The following PKN2 variants were observed in gnomAD, a reference collection of about 807,000 sequenced individuals.
The protein encoded by PKN2 is serine/threonine-protein kinase N2.
In PKN2, 38 loss-of-function variants were observed where a neutral mutation model predicts 119.1. The observed-to-expected ratio is 0.32, with a 90% CI of 0.25 to 0.42. The LOEUF (loss-of-function observed/expected upper bound fraction) is 0.42, where lower values mean the gene tolerates loss of function less well. Ranked by LOEUF, PKN2 falls within the 10% of genes least tolerant of loss-of-function variation. The probability of loss-of-function intolerance (pLI) is 1.00; values close to 1 mark genes in which losing one functional copy is unlikely to be tolerated. For synonymous variants in PKN2, 390 were observed against 384.9 expected (o/e 1.01, Z -0.15); for missense variants, 850 against 1,165.1 (o/e 0.73, Z 3.94).
intron 16 of PKN2, among the ~76,000 whole-genome samples, chr1:88,813,989 TTC>T (rs1444564239): frequency 6.6e-6 from 1 of 152,160 alleles, no homozygotes; most frequent in Non-Finnish European, 1.5e-5. Context: ...TTAGTAAAAT[TTC>T]TTTTTTTGCT....
chr1:88,815,848 A>G (rs1267858925), intron 16 of PKN2, among the ~76,000 whole-genome samples: 2 of 152,196 alleles, frequency 1.3e-5, no homozygotes, highest in Admixed American at 1.3e-4. Context: ...GTTTACAAAG[A>G]AAGAAATCAG....
chr1:88,726,196 A>G (rs1557568767), intron 1 of PKN2, among the ~76,000 whole-genome samples: 1 of 152,170 alleles, frequency 6.6e-6, no homozygotes, highest in Non-Finnish European at 1.5e-5. Flanking sequence ...ACTGTAGTGG[A>G]TAGAATGTCT....
At position 88,738,256 on chromosome 1, in the gene PKN2, T is replaced by TA. The variant is rs535059135; in HGVS notation, c.49-2724dup. Among the ~76,000 whole-genome samples, 800 of 151,380 alleles carry TA rather than the reference T, an allele frequency of 5.3e-3. 3 individuals are homozygous for TA. The highest frequency in any genetic ancestry group is 0.018 in the African/African-American group (735 of 41,286). The stretch of plus-strand genomic sequence containing the variant: ...TCATAGTCTTTGAAGAGTGGTCAGA[T>TA]AAAAAAAAGGGGTAATTGTTTCAAT... On this transcript the variant is annotated intron_variant, in intron 1 of 21. Transcript: ENST00000370521.
chr1:88,823,703 TAAAAAAAAAAAA>T (rs61234342), intron 17 of PKN2, among the ~76,000 whole-genome samples: 1 of 65,746 alleles, frequency 1.5e-5, no homozygotes, highest in Non-Finnish European at 3.0e-5. Flanking sequence ...GACTCTGTCT[TAAAAAAAAAAAA>T]AAAAAAAAAA....
Position 88,684,772 on chromosome 1 carries a change from T to C in PKN2, c.48+144T>C, listed in dbSNP as rs374055148. 49 of 670,780 alleles carry C rather than the reference T, an allele frequency of 7.3e-5. No individual in the cohort carries two copies. The African/African-American group carries it at 8.8e-4, about 12-fold the overall frequency. The allele number at this position is 670,780 out of a possible 1,614,324, so 41.6% of individuals were successfully genotyped here. A position where few individuals can be genotyped will look rare whatever the true frequency, so the allele number is the denominator to read the frequency against. ...AAACTCCGGGATGTCACTCGGGAAA[T>C]GCTTCCCTCGGGGAACCGCTTCCCT... is the stretch of plus-strand genomic sequence containing the variant. On this transcript the variant is annotated intron_variant, in intron 1 of 21. Transcript: ENST00000370521.
intron 3 of PKN2, among the ~76,000 whole-genome samples, chr1:88,764,803 G>A (rs1422744879): frequency 6.6e-6 from 1 of 152,096 alleles, no homozygotes; most frequent in East Asian, 1.9e-4. Flanking sequence ...TTGGTAGTGT[G>A]GCTTTAAGCA....
intron 1 of PKN2, among the ~76,000 whole-genome samples, chr1:88,709,871 G>A (rs1667155544): frequency 6.6e-6 from 1 of 152,164 alleles, no homozygotes; most frequent in African/African-American, 2.4e-5. Context: ...GAATGTATCA[G>A]AGACCTTGCA....
chr1:88,698,150 AT>A (rs1451538394), intron 1 of PKN2, among the ~76,000 whole-genome samples: 6 of 152,108 alleles, frequency 3.9e-5, no homozygotes, highest in African/African-American at 1.4e-4. Flanking sequence ...GGACTGTTTT[AT>A]TTTTTAACCT....
chr1:88,773,085 C>T (rs1669957593), intron 6 of PKN2, among the ~76,000 whole-genome samples: 1 of 152,086 alleles, frequency 6.6e-6, no homozygotes, highest in South Asian at 2.1e-4. Flanking sequence ...TCTCCTATAA[C>T]AATATTTAAT....
At chr1:88,805,108 C>A (rs988561271) in intron 10 of PKN2, among the ~76,000 whole-genome samples, 187 bp downstream of exon 10, 2 of 151,980 alleles carry the variant, frequency 1.3e-5, no homozygotes, top group African/African-American at 4.8e-5. Context: ...TACAGTCACC[C>A]GGCTTCAACA....
chr1:88,704,526 C>T (rs1296214982), intron 1 of PKN2, among the ~76,000 whole-genome samples: 2 of 152,124 alleles, frequency 1.3e-5, no homozygotes, highest in Non-Finnish European at 2.9e-5. Flanking sequence ...ATGGCTAAAA[C>T]ATATAGCAGG....
intron 1 of PKN2, among the ~76,000 whole-genome samples, chr1:88,722,897 A>G (rs980364486): frequency 7.2e-5 from 11 of 152,186 alleles, no homozygotes; most frequent in East Asian, 5.8e-4. Context: ...CTGTCTTATC[A>G]TCAGTCAGGG....
intron 1 of PKN2, among the ~76,000 whole-genome samples, chr1:88,703,971 T>TC (rs1666871149): frequency 1.3e-5 from 2 of 152,168 alleles, no homozygotes. Context: ...GCTTTTTTTT[T>TC]CAGCATCCTT....
At chr1:88,777,257 A>G (rs1047008298) in intron 6 of PKN2, among the ~76,000 whole-genome samples, 1 of 152,016 alleles carries the variant, frequency 6.6e-6, no homozygotes, top group South Asian at 2.1e-4. Flanking sequence ...GTTCTTTTTT[A>G]TAATTTTTAA....
In PKN2 at chr1:88,783,188, C is replaced by T. The variant is rs1248723774; in HGVS notation, c.986-1451C>T. Among the ~76,000 whole-genome samples, 5 of 152,176 alleles carry T rather than the reference C, an allele frequency of 3.3e-5. No individual in the cohort carries two copies. In the South Asian group the frequency reaches 6.2e-4, roughly 19 times the overall value. ...CTGCCTCAGATATTTTCTTCATAGG[C>T]AGGTGCTGATTAGTACTTTGATGAA... On this transcript the variant is annotated intron_variant, in intron 6 of 21. Coordinates refer to ENST00000370521, the MANE Select transcript of PKN2 (RefSeq NM_006256.4).
intron 19 of PKN2, among the ~76,000 whole-genome samples, chr1:88,830,128 C>G (rs967753539): frequency 6.6e-6 from 1 of 152,116 alleles, no homozygotes; most frequent in Non-Finnish European, 1.5e-5. Context: ...AGATTAATGA[C>G]TTGCTTAAAG....
intron 1 of PKN2, among the ~76,000 whole-genome samples, chr1:88,713,621 G>T (rs937140787): frequency 1.3e-5 from 2 of 152,042 alleles, no homozygotes; most frequent in Admixed American, 6.5e-5. Flanking sequence ...TTTTGATGGG[G>T]TTGTTTGATT....
At chr1:88,724,144 A>G (rs115898993) in intron 1 of PKN2, among the ~76,000 whole-genome samples, 2,953 of 152,298 alleles carry the variant, frequency 0.019, 93 homozygotes, top group African/African-American at 0.066. Context: ...TTAGATAACT[A>G]TTTACTTAAG....
At chr1:88,817,038 A>G (rs1206723930) in intron 16 of PKN2, among the ~76,000 whole-genome samples, 1 of 152,166 alleles carries the variant, frequency 6.6e-6, no homozygotes, top group South Asian at 2.1e-4. Context: ...GCTCCTCTCT[A>G]ACTCACTTTA....
Sources: gnomAD v4.1 joint callset for allele counts (sites outside exome capture counted in the v4.1 genomes callset) on GRCh38, gnomAD v4.1.1 for gene constraint, MANE v1.5 for transcripts, NCBI Gene and HGNC (gene_info 2026-07-23, HGNC 2026-07-21) for gene names.